PRMT3: variants seen among roughly 807,000 people sequenced by gnomAD.
The protein encoded by PRMT3 is protein arginine methyltransferase 3, also known as protein arginine N-methyltransferase 3.
In PRMT3, 62 loss-of-function variants were observed where a neutral mutation model predicts 71.9. The observed-to-expected ratio is 0.86, with a 90% CI of 0.70 to 1.07. PRMT3 has a LOEUF of 1.07. Ranked by LOEUF, PRMT3 falls within the 50% of genes least tolerant of loss-of-function variation. PRMT3 has a pLI of 0.00. For synonymous variants in PRMT3, 213 were observed against 220.4 expected (o/e 0.97, Z 0.30); for missense variants, 663 against 643.0 (o/e 1.03, Z -0.34).
At chr11:20,470,101 C>A (rs1242563288) in intron 13 of PRMT3, among the ~76,000 whole-genome samples, 1 of 152,138 alleles carries the variant, frequency 6.6e-6, no homozygotes, top group African/African-American at 2.4e-5. Flanking sequence ...TACACCTAGG[C>A]TATATACTAT....
intron 13 of PRMT3, among the ~76,000 whole-genome samples, chr11:20,471,937 C>CTAGGTATTTTTTTTTGT (rs1480737458): frequency 6.6e-6 from 1 of 151,640 alleles, no homozygotes; most frequent in African/African-American, 2.4e-5. Context: ...AGCAGTATTC[C>CTAGGTATTTTTTTTTGT]TAGGTATTTT....
intron 10 of PRMT3, among the ~76,000 whole-genome samples, chr11:20,443,797 T>C (rs1014300876): frequency 6.6e-6 from 1 of 152,172 alleles, no homozygotes; most frequent in South Asian, 2.1e-4. Context: ...TTTTGTTGAT[T>C]AAGTGAGAGT....
intron 5 of PRMT3, 106 bp downstream of exon 5, chr11:20,393,105 T>C (rs1351201151): frequency 2.8e-6 from 2 of 718,386 alleles, no homozygotes; most frequent in African/African-American, 3.6e-5. Context: ...TAAAATTATC[T>C]AAATGCTTCA....
At chr11:20,469,294 G>A (rs1464323373) in intron 13 of PRMT3, among the ~76,000 whole-genome samples, 1 of 152,130 alleles carries the variant, frequency 6.6e-6, no homozygotes, top group African/African-American at 2.4e-5. Context: ...GTTTTATCTT[G>A]TGAGTTCTCG....
intron 10 of PRMT3, among the ~76,000 whole-genome samples, chr11:20,434,060 A>G (rs1849712900): frequency 6.6e-6 from 1 of 152,126 alleles, no homozygotes; most frequent in Non-Finnish European, 1.5e-5. Flanking sequence ...CTTTTTAATA[A>G]TAGCCATTCT....
intron 13 of PRMT3, among the ~76,000 whole-genome samples, chr11:20,466,464 A>G (rs1179869135): frequency 1.3e-5 from 2 of 152,018 alleles, no homozygotes; most frequent in Admixed American, 1.3e-4. Flanking sequence ...TGTCCTCCCA[A>G]CCCAGGTAGG....
At chr11:20,450,643 CAG>C (rs1850126938) in intron 10 of PRMT3, among the ~76,000 whole-genome samples, 1 of 152,096 alleles carries the variant, frequency 6.6e-6, no homozygotes, top group Admixed American at 6.6e-5. Flanking sequence ...ATCAATGAAT[CAG>C]TGAGCTGGGG....
chr11:20,400,953 G>A (rs139590693), intron 7 of PRMT3, among the ~76,000 whole-genome samples: 153 of 137,872 alleles, frequency 1.1e-3, no homozygotes, highest in African/African-American at 3.8e-3. Flanking sequence ...TTATTTGCTT[G>A]CGTTTTCGTA....
In PRMT3 at chr11:20,427,585, C is replaced by T. The variant is rs183335145; in HGVS notation, c.993+720C>T. Among the ~76,000 whole-genome samples the T allele has an allele frequency of 9.9e-5, 15 of 151,948 alleles. No homozygotes were observed. The East Asian group carries it at 2.7e-3, about 28-fold the overall frequency. ...ACTAAAAATACAAAGATTAGCTGGG[C>T]GTAGTGGCAGGCACCTGTAATCCCA... On this transcript the variant is annotated intron_variant, in intron 10 of 15. Coordinates refer to ENST00000331079, the MANE Select transcript of PRMT3 (RefSeq NM_005788.4).
intron 13 of PRMT3, among the ~76,000 whole-genome samples, chr11:20,469,529 C>A (rs914186940): frequency 2.0e-5 from 3 of 152,140 alleles, no homozygotes; most frequent in African/African-American, 7.2e-5. Context: ...ATTACATGCT[C>A]ACACAAATAA....
chr11:20,446,020 C>T (rs554015186), intron 10 of PRMT3, among the ~76,000 whole-genome samples: 7 of 152,190 alleles, frequency 4.6e-5, no homozygotes, highest in East Asian at 1.9e-4. Context: ...CAGTTTATTA[C>T]GCAAATAATA....
chr11:20,454,798 G>T (rs1336979929), intron 11 of PRMT3, among the ~76,000 whole-genome samples: 1 of 151,980 alleles, frequency 6.6e-6, no homozygotes, highest in Admixed American at 6.6e-5. Context: ...CCATACAAAC[G>T]TGATGGGACC....
At chr11:20,398,061 A>T (rs1014369605) in intron 7 of PRMT3, among the ~76,000 whole-genome samples, 1 of 151,730 alleles carries the variant, frequency 6.6e-6, no homozygotes, top group Non-Finnish European at 1.5e-5. Flanking sequence ...TCATTTGTAC[A>T]TTCCATTTAA....
At chr11:20,463,882 A>G (rs1850445055) in intron 12 of PRMT3, among the ~76,000 whole-genome samples, 4 of 60,950 alleles carry the variant, frequency 6.6e-5, no homozygotes, top group Non-Finnish European at 9.0e-5. Context: ...ATATTTCGCT[A>G]TTTTTTCTCT....
At chr11:20,404,226 T>TTTG (rs1555006846) in intron 8 of PRMT3, among the ~76,000 whole-genome samples, 12 of 83,468 alleles carry the variant, frequency 1.4e-4, no homozygotes, top group African/African-American at 6.3e-4. Context: ...TTTTTTTTTT[T>TTTG]TTTTTTTTTT....
intron 10 of PRMT3, among the ~76,000 whole-genome samples, chr11:20,436,104 ATTTCT>A (rs1168639439): frequency 6.6e-6 from 1 of 152,004 alleles, no homozygotes. Flanking sequence ...TGCTTTCTTG[ATTTCT>A]TTATTACTTC....
intron 10 of PRMT3, among the ~76,000 whole-genome samples, chr11:20,430,936 A>G (rs188127247): frequency 2.6e-5 from 4 of 152,268 alleles, no homozygotes; most frequent in Admixed American, 2.6e-4. Flanking sequence ...TAGTCTACCA[A>G]TAGAAGTTCT....
chr11:20,494,016 C>T (rs1381598829), intron 14 of PRMT3, 47 bp downstream of exon 14: 1 of 1,488,540 alleles, frequency 6.7e-7, no homozygotes, highest in Non-Finnish European at 9.3e-7. Flanking sequence ...TACAGAAGTA[C>T]ATTATATTTT....
chr11:20,456,667 T>G (rs1359743123), intron 11 of PRMT3, among the ~76,000 whole-genome samples: 1 of 152,090 alleles, frequency 6.6e-6, no homozygotes, highest in Non-Finnish European at 1.5e-5. Context: ...CTTTGATAGT[T>G]TGGTCATGTG....
Sources: allele counts gnomAD v4.1 joint callset (sites outside exome capture counted in the v4.1 genomes callset), GRCh38; gene constraint gnomAD v4.1.1; transcripts MANE v1.5; gene names NCBI Gene and HGNC (gene_info 2026-07-23, HGNC 2026-07-21).